ACCS: variants seen among roughly 807,000 people sequenced by gnomAD.
ACCS encodes 1-aminocyclopropane-1-carboxylate synthase homolog (inactive), also known as 1-aminocyclopropane-1-carboxylate synthase-like protein 1.
Under a neutral mutation model 59.8 loss-of-function variants are expected in ACCS, and 42 were observed. The ratio of observed to expected loss-of-function variants is 0.70; its 90% CI spans 0.55 to 0.91. ACCS has a LOEUF of 0.91. ACCS is among the 40% of genes least tolerant of loss of function. ACCS has a pLI of 0.00. For missense variants in ACCS, 602 were observed against 630.4 expected, an observed-to-expected ratio of 0.95 and a Z score of 0.48; for synonymous variants, 230 against 240.3, an observed-to-expected ratio of 0.96 and a Z score of 0.40.
Position 44,079,599 on chromosome 11 carries a change from G to A in ACCS, c.902G>A (p.Arg301His), listed in dbSNP as rs140430914. The change falls in exon 10 of 15, where the codon CGC becomes CAC. Residue 301 changes from arginine (R) to histidine (H), a missense_variant. Coordinates refer to ENST00000263776, the MANE Select transcript of ACCS (RefSeq NM_032592.4). ...GTGTTTGAGAAGTCTGTTGGGTACC[G>A]CAGTGTCCTAAGCCTGGAAAGGTGA... ...LSVFEKSVGYRSVLSLERLPD... is the reference protein window; with the variant it reads ...LSVFEKSVGYHSVLSLERLPD... The A allele has an allele frequency of 1.6e-4, 261 of 1,610,602 alleles. 1 individual carries two copies. In the East Asian group the frequency reaches 5.0e-3, roughly 31 times the overall value.
chr11:44,082,599 G>T (rs1157983175), intron 12 of ACCS, among the ~76,000 whole-genome samples: 2 of 152,194 alleles, frequency 1.3e-5, no homozygotes, highest in African/African-American at 4.8e-5. Context: ...TGTGCTTGCA[G>T]ATCTGTTTAT....
In ACCS at chr11:44,083,766, C is replaced by T. The variant is rs761478807; in HGVS notation, c.1480C>T (p.Gln494Ter). The change falls in exon 15 of 15, where the codon CAG (glutamine) becomes TAG (stop). Residue 494 changes from glutamine to a stop codon, truncating the protein, a stop_gained. Coordinates refer to ENST00000263776, the MANE Select transcript of ACCS (RefSeq NM_032592.4). LOFTEE classifies it high-confidence loss of function. ...AGAAGACCCCCGTCCCTCTCAGAGC[C>T]AGGAGCCAAGTGACCAACGCAGGTG... ...VAEDPRPSQSQEPSDQRR is the reference protein window; with the variant it reads ...VAEDPRPSQS 1.9e-6 allele frequency: 3 copies of T among 1,613,636 alleles called. No individual in the cohort carries two copies. The highest frequency in any genetic ancestry group is 2.5e-6 in the Non-Finnish European group (3 of 1,179,760).
chr11:44,068,044 G>C, intron 2 of ACCS, 129 bp downstream of exon 2: 1 of 1,054,874 alleles, frequency 9.5e-7, no homozygotes, highest in Non-Finnish European at 1.3e-6. Context: ...ACCTCCAAGA[G>C]GGCTTCTGAT....
chr11:44,077,684 G>C (rs1207931127), intron 7 of ACCS, 161 bp from the exon 8 acceptor site: 13 of 1,453,458 alleles, frequency 8.9e-6, no homozygotes, highest in Non-Finnish European at 1.2e-5. Flanking sequence ...TGATGGGTTG[G>C]GGGTGGATGG....
At chr11:44,083,120 G>A in intron 12 of ACCS, 49 bp from the exon 13 acceptor site, 1 of 1,596,400 alleles carries the variant, frequency 6.3e-7, no homozygotes, top group South Asian at 1.1e-5. Flanking sequence ...GTGGGACCAA[G>A]TAGAGGGTTG....
intron 9 of ACCS, 45 bp from the exon 10 acceptor site, chr11:44,079,485 TG>T (rs776647553): frequency 2.6e-6 from 4 of 1,524,350 alleles, no homozygotes; most frequent in Admixed American, 1.8e-5. Flanking sequence ...GGGACGCATC[TG>T]CCCTACACAC....
At chr11:44,081,522 G>A (rs1953641841) in intron 12 of ACCS, among the ~76,000 whole-genome samples, 1 of 152,244 alleles carries the variant, frequency 6.6e-6, no homozygotes, top group Non-Finnish European at 1.5e-5. Flanking sequence ...TTATCTGTAT[G>A]AGCCTCAGTT....
intron 12 of ACCS, among the ~76,000 whole-genome samples, chr11:44,082,620 G>C (rs1267191990): frequency 6.6e-6 from 1 of 152,214 alleles, no homozygotes; most frequent in Non-Finnish European, 1.5e-5. Flanking sequence ...AGTCACATCA[G>C]AGATGTGACT....
chr11:44,083,999 T>G lies in ACCS; in HGVS notation c.*207T>G. ...CAGCCTGGGCCCTCCCTCTCTCCTATTAAACAAAACTAGGAGAGTCCATAT... is the reference window on the plus strand; with the variant it reads ...CAGCCTGGGCCCTCCCTCTCTCCTAGTAAACAAAACTAGGAGAGTCCATAT... On this transcript the variant is annotated 3_prime_UTR_variant, in exon 15 of 15. Transcript: ENST00000263776. 1.5e-5 allele frequency: 17 copies of G among 1,121,368 alleles called. No individual in the cohort carries two copies. The South Asian group carries it at 2.7e-4, about 18-fold the overall frequency. 69.5% of individuals were successfully genotyped at this position (1,121,368 alleles called of 1,614,324 possible).
chr11:44,073,366 C>G (rs184393572), intron 3 of ACCS, 81 bp from the exon 4 acceptor site: 3 of 1,126,302 alleles, frequency 2.7e-6, no homozygotes, highest in Non-Finnish European at 3.9e-6. Context: ...GCAGAACAAG[C>G]GTTCAGCTTT....
In ACCS at chr11:44,078,794, C is replaced by A. The variant is rs1332671360; in HGVS notation, c.833+10C>A. 4.3e-6 allele frequency: 7 copies of A among 1,611,696 alleles called. No individual in the cohort carries two copies. Among genetic ancestry groups the A allele is most frequent in the Non-Finnish European group, 5.1e-6 (6 of 1,178,254 alleles). ...TGGTATTTGCCAAGAGGTGAGGCACCCCACACTGGCCCCGACAGAGCGTCT... is the reference window on the plus strand; with the variant it reads ...TGGTATTTGCCAAGAGGTGAGGCACACCACACTGGCCCCGACAGAGCGTCT... On this transcript the variant is annotated intron_variant, in intron 9 of 14. Transcript: ENST00000263776.
intron 5 of ACCS, 53 bp from the exon 6 acceptor site, chr11:44,075,473 G>T: frequency 1.3e-6 from 2 of 1,590,096 alleles, no homozygotes; most frequent in Non-Finnish European, 1.7e-6. Context: ...CTGCGGGTCC[G>T]TGCACACTCC....
chr11:44,074,696 C>A lies in ACCS; in HGVS notation c.489+15C>A. The stretch of plus-strand genomic sequence containing the variant: ...GACCAGAGAATGTGAGTGGCCCCCT[C>A]CACTGCTCCTTCCTGTTCTCCTGCC... On this transcript the variant is annotated intron_variant, in intron 5 of 14. Coordinates refer to ENST00000263776, the MANE Select transcript of ACCS (RefSeq NM_032592.4). 1 of 1,559,888 alleles carries A rather than the reference C, an allele frequency of 6.4e-7. No individual in the cohort carries two copies. The highest frequency in any genetic ancestry group is 8.7e-7 in the Non-Finnish European group (1 of 1,147,406).
rs923995012 is a variant in ACCS at position 44,084,091 on chromosome 11, T to C, written c.*299T>C. 3 of 326,554 alleles carry C rather than the reference T, an allele frequency of 9.2e-6. No individual in the cohort carries two copies. Among genetic ancestry groups the C allele is most frequent in the Admixed American group, 9.2e-5 (2 of 21,800 alleles). 20.2% of individuals were successfully genotyped at this position (326,554 alleles called of 1,614,324 possible). On this transcript the variant is annotated 3_prime_UTR_variant, in exon 15 of 15. Transcript: ENST00000263776. Reference sequence around the variant, plus strand: ...CTTCTAACCAGAGCCTCAGCCCCCCTGAGGATGTGAAAAGAAAACAAACAA... The same window carrying C: ...CTTCTAACCAGAGCCTCAGCCCCCCCGAGGATGTGAAAAGAAAACAAACAA...
chr11:44,072,545 A>G (rs969167640), intron 3 of ACCS: 19 of 152,298 alleles, frequency 1.2e-4, no homozygotes, highest in African/African-American at 4.3e-4. Flanking sequence ...AGCCACATAT[A>G]TCAATTTAAA....
intron 2 of ACCS, among the ~76,000 whole-genome samples, chr11:44,068,121 T>G (rs1408209120): frequency 1.3e-5 from 2 of 152,156 alleles, no homozygotes; most frequent in African/African-American, 2.4e-5. Flanking sequence ...ATAGGGGACC[T>G]TGATTTCTGA....
chr11:44,077,177 C>T (rs1953406243), intron 6 of ACCS, 102 bp from the exon 7 acceptor site: 1 of 1,330,532 alleles, frequency 7.5e-7, no homozygotes, highest in South Asian at 1.5e-5. Flanking sequence ...CAAACGGTCC[C>T]CAAAGAAGTT....
chr11:44,073,539 A>C, intron 4 of ACCS, 22 bp downstream of exon 4: 1 of 1,590,046 alleles, frequency 6.3e-7, no homozygotes, highest in Non-Finnish European at 8.6e-7. Flanking sequence ...CCATAGGGTG[A>C]GTTTGTCCCC....
At chr11:44,073,546 C>G in intron 4 of ACCS, 29 bp downstream of exon 4, 1 of 1,581,826 alleles carries the variant, frequency 6.3e-7, no homozygotes, top group Non-Finnish European at 8.6e-7. Context: ...GTGAGTTTGT[C>G]CCCCTGGGGA....
Sources: allele counts gnomAD v4.1 joint callset (sites outside exome capture counted in the v4.1 genomes callset), GRCh38; gene constraint gnomAD v4.1.1; transcripts MANE v1.5; gene names NCBI Gene and HGNC (gene_info 2026-07-23, HGNC 2026-07-21).